Variants in WDR41 observed in about 807,000 individuals in gnomAD.
The protein encoded by WDR41 is WD repeat-containing protein 41.
In WDR41, 63 loss-of-function variants were observed where a neutral mutation model predicts 69.3. The observed-to-expected ratio is 0.91, with a 90% CI of 0.74 to 1.12. The LOEUF is 1.12. WDR41 is among the 50% of genes most tolerant of loss of function. The pLI is 0.00. For synonymous variants in WDR41, 185 were observed against 192.1 expected (o/e 0.96, Z 0.31); for missense variants, 543 against 534.5 (o/e 1.02, Z -0.16).
chr5:77,542,783 C>A (rs193130056), intron 1 of WDR41, among the ~76,000 whole-genome samples: 1 of 152,140 alleles, frequency 6.6e-6, no homozygotes, highest in African/African-American at 2.4e-5. Flanking sequence ...AGCTCCAACT[C>A]GGATGGACAG....
chr5:77,531,681 A>G (rs1044159397), intron 1 of WDR41, among the ~76,000 whole-genome samples: 3 of 152,058 alleles, frequency 2.0e-5, no homozygotes, highest in African/African-American at 7.2e-5. Context: ...ATATTTGTAC[A>G]TAGCAGCATT....
intron 12 of WDR41, among the ~76,000 whole-genome samples, chr5:77,434,657 A>G (rs939738084): frequency 2.0e-5 from 3 of 152,094 alleles, no homozygotes; most frequent in African/African-American, 7.2e-5. Context: ...GTGACCCAAG[A>G]CTGCACTCCA....
chr5:77,479,119 T>C lies in WDR41; in HGVS notation c.167+10338A>G, dbSNP rs1262166237. Among the ~76,000 whole-genome samples the C allele has an allele frequency of 5.9e-5, 9 of 152,008 alleles. 1 individual carries two copies. Among genetic ancestry groups the C allele is most frequent in the African/African-American group, 1.7e-4 (7 of 41,326 alleles). On this transcript the variant is annotated intron_variant, in intron 2 of 12. Coordinates refer to ENST00000296679, the MANE Select transcript of WDR41 (RefSeq NM_018268.4). ...ACCTAGGAATCCAACTTACAAGGGA[T>C]GGGAAGGACCTCTTCAAGGAGAACT...
At chr5:77,600,526 C>A (rs762455148) in intron 1 of WDR41, among the ~76,000 whole-genome samples, 1 of 152,074 alleles carries the variant, frequency 6.6e-6, no homozygotes, top group Non-Finnish European at 1.5e-5. Context: ...AGTTACATGG[C>A]TATGTACATT....
chr5:77,525,587 T>C (rs1312982235), intron 1 of WDR41, among the ~76,000 whole-genome samples: 2 of 151,920 alleles, frequency 1.3e-5, no homozygotes, highest in African/African-American at 4.8e-5. Flanking sequence ...TAAATTGGGG[T>C]TTAGGGAAGA....
chr5:77,512,355 A>AGAGAGAGAGAGAGT (rs1335024335), intron 1 of WDR41, among the ~76,000 whole-genome samples: 5 of 119,322 alleles, frequency 4.2e-5, no homozygotes, highest in African/African-American at 6.4e-5. Context: ...AGAGAGAGTG[A>AGAGAGAGAGAGAGT]GTGTGTGTGT....
In WDR41 at chr5:77,599,538, G is replaced by A. The variant is rs114855816; in HGVS notation, c.42+20941C>T. Among the ~76,000 whole-genome samples the A allele has an allele frequency of 1.8e-3, 276 of 152,172 alleles. 1 individual carries two copies. The highest frequency in any genetic ancestry group is 6.3e-3 in the African/African-American group (263 of 41,524). On this transcript the variant is annotated intron_variant, in intron 1 of 5. Coordinates refer to the WDR41 transcript ENST00000509971. ...TATCAGATACATAGATAGCTACACA[G>A]ACAGCTAGCTAGCAAGATATCCTTG...
At chr5:77,510,832 CG>C (rs1437470788) in intron 1 of WDR41, among the ~76,000 whole-genome samples, 1 of 131,646 alleles carries the variant, frequency 7.6e-6, no homozygotes, top group Admixed American at 9.0e-5. Context: ...AGTGCAGTGG[CG>C]TGATCTCGGC....
Position 77,552,061 on chromosome 5 carries a change from A to C in WDR41, c.43-62489T>G, listed in dbSNP as rs182437829. 2.0e-3 allele frequency among the ~76,000 whole-genome samples: 280 copies of C among 140,944 alleles called. 2 individuals carry two copies. The highest frequency in any genetic ancestry group is 8.1e-3 in the Admixed American group (112 of 13,874). The allele number at this position is 140,944 out of a possible 152,430, so 92.5% of individuals were successfully genotyped here. ...AAAATAAAATAAAATAAAATAAAAT[A>C]AAATCTCCTAACTAGTAGGGGAAAA... On this transcript the variant is annotated intron_variant, in intron 1 of 5. Transcript: ENST00000509971.
rs369376768 is a variant in WDR41, at chr5:77,432,973, A to G, written c.*162T>C. The G allele has an allele frequency of 1.2e-4, 85 of 686,654 alleles. No homozygotes were observed. The highest frequency in any genetic ancestry group is 1.2e-3 in the African/African-American group (67 of 54,678). The allele number at this position is 686,654 out of a possible 1,614,324, so 42.5% of individuals were successfully genotyped here. A position where few individuals can be genotyped will look rare whatever the true frequency, so the allele number is the denominator to read the frequency against. On this transcript the variant is annotated 3_prime_UTR_variant, in exon 13 of 13. Transcript: ENST00000296679. ...GATATACTAGGACCTGAGAAGCAAC[A>G]TGTTCCTGGTTGGTAGGTCCACAAA...
chr5:77,591,237 T>A (rs938654225), intron 1 of WDR41, among the ~76,000 whole-genome samples: 3 of 152,140 alleles, frequency 2.0e-5, no homozygotes, highest in Admixed American at 2.0e-4. Context: ...ATAATTAGGA[T>A]CTATAGCAAT....
intron 1 of WDR41, among the ~76,000 whole-genome samples, chr5:77,504,828 T>C (rs899791604): frequency 2.0e-5 from 3 of 152,166 alleles, no homozygotes; most frequent in Non-Finnish European, 4.4e-5. Flanking sequence ...TCAACAGCCC[T>C]TCACGCTAAA....
chr5:77,523,563 C>T (rs1193019953), intron 1 of WDR41, among the ~76,000 whole-genome samples: 1 of 151,928 alleles, frequency 6.6e-6, no homozygotes, highest in Non-Finnish European at 1.5e-5. Context: ...CCTATAGTGC[C>T]TCACACTGAT....
At chr5:77,584,310 C>G (rs1743998221) in intron 1 of WDR41, among the ~76,000 whole-genome samples, 1 of 152,090 alleles carries the variant, frequency 6.6e-6, no homozygotes, top group Non-Finnish European at 1.5e-5. Flanking sequence ...TCTTTATTAG[C>G]AGATGATATA....
chr5:77,537,293 T>A (rs957561132), intron 1 of WDR41, among the ~76,000 whole-genome samples: 6 of 152,138 alleles, frequency 3.9e-5, no homozygotes, highest in African/African-American at 1.4e-4. Flanking sequence ...AAATGGCTGA[T>A]ATGAAGGAAC....
chr5:77,476,420 A>T (rs897084412), intron 2 of WDR41, among the ~76,000 whole-genome samples: 164 of 152,192 alleles, frequency 1.1e-3, no homozygotes, highest in Admixed American at 2.0e-3. Context: ...GGGCAGCCAG[A>T]GAGAAAGGTC....
intron 1 of WDR41, among the ~76,000 whole-genome samples, chr5:77,579,092 T>C (rs1261021828): frequency 2.6e-5 from 4 of 152,048 alleles, no homozygotes; most frequent in African/African-American, 9.6e-5. Context: ...ACTGAGATTA[T>C]GTAAGCCAAA....
chr5:77,582,364 C>A, intron 1 of WDR41: 1 of 1,605,344 alleles, frequency 6.2e-7, no homozygotes, highest in Non-Finnish European at 8.5e-7. Flanking sequence ...TCCTCTTTTT[C>A]CGGCTGGAAC....
intron 7 of WDR41, among the ~76,000 whole-genome samples, chr5:77,450,486 A>C (rs1799583466): frequency 6.6e-6 from 1 of 152,230 alleles, no homozygotes; most frequent in African/African-American, 2.4e-5. Context: ...AGTTTTATTT[A>C]AACTAGTATA....
Sources: gnomAD v4.1 joint callset for allele counts (sites outside exome capture counted in the v4.1 genomes callset) on GRCh38, gnomAD v4.1.1 for gene constraint, MANE v1.5 for transcripts, NCBI Gene and HGNC (gene_info 2026-07-23, HGNC 2026-07-21) for gene names.